The following DPYD variants were observed in gnomAD, a reference collection of about 807,000 sequenced individuals.
The protein encoded by DPYD is dihydropyrimidine dehydrogenase [NADP(+)].
Under a neutral mutation model 116.2 loss-of-function variants are expected in DPYD, and 109 were observed. The ratio of observed to expected loss-of-function variants is 0.94; its 90% CI spans 0.80 to 1.10. The LOEUF (loss-of-function observed/expected upper bound fraction) is 1.10, where lower values mean the gene tolerates loss of function less well. DPYD is among the 50% of genes least tolerant of loss of function. DPYD has a pLI of 0.00. For missense variants in DPYD, 1,302 were observed against 1,254.5 expected, an observed-to-expected ratio of 1.04 and a Z score of -0.57; for synonymous variants, 440 against 432.0, an observed-to-expected ratio of 1.02 and a Z score of -0.23.
chr1:97,249,030 G>C lies in DPYD; in HGVS notation c.2300-14036C>G, dbSNP rs140636256. On this transcript the variant is annotated intron_variant, in intron 18 of 22. Coordinates refer to ENST00000370192, the MANE Select transcript of DPYD (RefSeq NM_000110.4). ...TTAAGATGTTAAACTTCACCAAATT[G>C]ATCTGTAGATTCAACACAACTCAAA... Among the ~76,000 whole-genome samples, 4 of 151,698 alleles carry C rather than the reference G, an allele frequency of 2.6e-5. No individual in the cohort carries two copies. The East Asian group carries it at 7.7e-4, about 29-fold the overall frequency.
intron 1 of DPYD, among the ~76,000 whole-genome samples, chr1:97,913,338 C>T (rs1674058496): frequency 1.3e-5 from 2 of 152,110 alleles, no homozygotes; most frequent in South Asian, 2.1e-4. Context: ...TCAGCATTTC[C>T]TTAATATGAA....
At chr1:97,828,641 G>A (rs1669371424) in intron 2 of DPYD, among the ~76,000 whole-genome samples, 1 of 152,048 alleles carries the variant, frequency 6.6e-6, no homozygotes, top group Middle Eastern at 3.6e-3. Flanking sequence ...AGCTAGCATT[G>A]ACTAAGATGA....
At chr1:97,104,866 T>C (rs1651020143) in intron 20 of DPYD, among the ~76,000 whole-genome samples, 1 of 152,082 alleles carries the variant, frequency 6.6e-6, no homozygotes, top group Non-Finnish European at 1.5e-5. Context: ...AGGAATAATG[T>C]CAATCAAGAG....
intron 16 of DPYD, among the ~76,000 whole-genome samples, chr1:97,344,143 T>C (rs79806521): frequency 0.055 from 8,347 of 151,676 alleles, 274 homozygotes; most frequent in Middle Eastern, 0.13. Context: ...AGTAAATGAA[T>C]TGAGGATAAT....
At chr1:97,495,638 G>A (rs1456623027) in intron 13 of DPYD, among the ~76,000 whole-genome samples, 2 of 151,976 alleles carry the variant, frequency 1.3e-5, no homozygotes, top group Non-Finnish European at 2.9e-5. Context: ...GTGGGAGGAT[G>A]ACACACATCA....
At chr1:97,365,272 C>G (rs80147656) in intron 16 of DPYD, among the ~76,000 whole-genome samples, 1 of 152,064 alleles carries the variant, frequency 6.6e-6, no homozygotes, top group Admixed American at 6.6e-5. Context: ...GTAACTAGAC[C>G]CTCCCTTTTC....
At chr1:97,855,054 G>A (rs1231537613) in intron 2 of DPYD, 2 of 152,236 alleles carry the variant, frequency 1.3e-5, no homozygotes, top group Non-Finnish European at 2.9e-5. Flanking sequence ...GTGTCAGGAT[G>A]TGAAGGAGGT....
At chr1:97,687,113 A>ATT (rs1463715402) in intron 7 of DPYD, among the ~76,000 whole-genome samples, 2 of 152,136 alleles carry the variant, frequency 1.3e-5, no homozygotes, top group African/African-American at 2.4e-5. Context: ...TGTAACACAA[A>ATT]TAAAAAAATT....
chr1:97,644,467 T>C (rs1658128165), intron 8 of DPYD, among the ~76,000 whole-genome samples: 1 of 152,096 alleles, frequency 6.6e-6, no homozygotes, highest in Non-Finnish European at 1.5e-5. Flanking sequence ...CTCCATCTAT[T>C]GCCCTGTCTG....
intron 3 of DPYD, among the ~76,000 whole-genome samples, chr1:97,783,917 G>T (rs1666885255): frequency 6.6e-6 from 1 of 152,088 alleles, no homozygotes. Flanking sequence ...TAAAATAATG[G>T]TTCCCATGAC....
At chr1:97,477,690 G>A (rs563835102) in intron 13 of DPYD, among the ~76,000 whole-genome samples, 11 of 144,852 alleles carry the variant, frequency 7.6e-5, no homozygotes, top group Non-Finnish European at 1.5e-4. Context: ...GCGCAATCTC[G>A]GCTCACTGCA....
At chr1:97,476,732 T>C (rs1352783606) in intron 13 of DPYD, among the ~76,000 whole-genome samples, 4 of 151,416 alleles carry the variant, frequency 2.6e-5, no homozygotes, top group Non-Finnish European at 5.9e-5. Context: ...GCAACAAAAA[T>C]ACTAAAAAAA....
chr1:97,240,887 T>C (rs1343804068), intron 18 of DPYD, among the ~76,000 whole-genome samples: 8 of 151,970 alleles, frequency 5.3e-5, no homozygotes, highest in South Asian at 2.1e-4. Flanking sequence ...TATTTAAAAA[T>C]AACATCTTTA....
chr1:97,259,027 T>A (rs1663698719), intron 18 of DPYD, among the ~76,000 whole-genome samples: 1 of 152,112 alleles, frequency 6.6e-6, no homozygotes, highest in Non-Finnish European at 1.5e-5. Context: ...ACTGTGATAA[T>A]TTTTAAAGTA....
In DPYD at chr1:97,619,478, G is replaced by T. The variant is rs1248676108; in HGVS notation, c.851-24312C>A. Among the ~76,000 whole-genome samples, 3 of 152,176 alleles carry T rather than the reference G, an allele frequency of 2.0e-5. No individual in the cohort carries two copies. In the South Asian group the frequency reaches 6.2e-4, roughly 32 times the overall value. ...CTTAAGCATACGTTTGTACTTAATT[G>T]TTCAGAATGTCATATGAGAATCCTG... On this transcript the variant is annotated intron_variant, in intron 8 of 22. Transcript: ENST00000370192.
chr1:97,432,184 C>T (rs1282301610), intron 14 of DPYD, among the ~76,000 whole-genome samples: 1 of 152,064 alleles, frequency 6.6e-6, no homozygotes, highest in Non-Finnish European at 1.5e-5. Flanking sequence ...GTGCAGATAT[C>T]TCTTTGATAT....
intron 14 of DPYD, among the ~76,000 whole-genome samples, chr1:97,438,096 T>C (rs1402016092): frequency 6.6e-6 from 1 of 152,082 alleles, no homozygotes; most frequent in Non-Finnish European, 1.5e-5. Flanking sequence ...TCTATTTGCC[T>C]ATCTTTATGC....
chr1:97,182,525 A>G (rs1657716257), intron 20 of DPYD, among the ~76,000 whole-genome samples: 1 of 152,112 alleles, frequency 6.6e-6, no homozygotes, highest in Non-Finnish European at 1.5e-5. Flanking sequence ...TATATCAATC[A>G]TTACCCAAGT....
At position 97,840,955 on chromosome 1, in the gene DPYD, G is replaced by T. The variant is rs1312724474; in HGVS notation, c.151-12759C>A. The stretch of plus-strand genomic sequence containing the variant: ...ACCTTCACTGGAAGAAAGTGTAGGT[G>T]TAAGAATTTTTCTCCATGAAGAAAA... On this transcript the variant is annotated intron_variant, in intron 2 of 22. Transcript: ENST00000370192. Among the ~76,000 whole-genome samples, 3 of 152,082 alleles carry T rather than the reference G, an allele frequency of 2.0e-5. No individual in the cohort carries two copies. In the East Asian group the frequency reaches 5.8e-4, roughly 29 times the overall value.
Sources: gnomAD v4.1 joint callset for allele counts (sites outside exome capture counted in the v4.1 genomes callset) on GRCh38, gnomAD v4.1.1 for gene constraint, MANE v1.5 for transcripts, NCBI Gene and HGNC (gene_info 2026-07-23, HGNC 2026-07-21) for gene names.